The following GALNT5 variants were observed in gnomAD, a reference collection of about 807,000 sequenced individuals.
GALNT5 encodes the protein polypeptide N-acetylgalactosaminyltransferase 5, also known as UDP-GalNAc:polypeptide N-acetylgalactosaminyltransferase 5.
A neutral mutation model predicts 85.4 loss-of-function variants in GALNT5; 72 were observed. That is an observed-to-expected ratio of 0.84 (90% CI 0.70 to 1.03). The LOEUF (loss-of-function observed/expected upper bound fraction) is 1.03, where lower values mean the gene tolerates loss of function less well. Among genes scored for constraint, GALNT5 ranks in the 50% least tolerant of loss-of-function variants. The probability of loss-of-function intolerance (pLI) is 0.00; values close to 1 mark genes in which losing one functional copy is unlikely to be tolerated. For missense variants in GALNT5, 1,137 were observed against 1,135.5 expected (o/e 1.00, Z -0.02); for synonymous variants, 404 against 397.0 (o/e 1.02, Z -0.21).
intron 3 of GALNT5, among the ~76,000 whole-genome samples, chr2:157,290,655 A>C (rs886666351): frequency 1.1e-4 from 17 of 152,204 alleles, no homozygotes; most frequent in African/African-American, 3.9e-4. Flanking sequence ...ATCTGAGTCC[A>C]GAATCTGACA....
At position 157,306,910 on chromosome 2, in the gene GALNT5, A is replaced by T. The variant is rs1035853321; in HGVS notation, c.2520+1081A>T. 4.6e-5 allele frequency among the ~76,000 whole-genome samples: 7 copies of T among 152,262 alleles called. No individual in the cohort carries two copies. In the East Asian group the frequency reaches 1.3e-3, roughly 29 times the overall value. ...GAAGTGTTAAAACTCATTAAAAGAA[A>T]TAAATTTCACTTACTAACAAAGAGG... is the stretch of plus-strand genomic sequence containing the variant. On this transcript the variant is annotated intron_variant, in intron 8 of 9. Transcript: ENST00000259056.
intron 3 of GALNT5, among the ~76,000 whole-genome samples, chr2:157,294,048 T>C (rs897356484): frequency 2.0e-5 from 3 of 152,186 alleles, no homozygotes; most frequent in African/African-American, 7.2e-5. Flanking sequence ...AAAACATGCA[T>C]GAAGAATGTT....
At chr2:157,266,941 C>A (rs748076915) in intron 1 of GALNT5, among the ~76,000 whole-genome samples, 18 of 152,222 alleles carry the variant, frequency 1.2e-4, no homozygotes, top group East Asian at 5.8e-4. Context: ...TCCTATATAG[C>A]ACTAAGCAAA....
chr2:157,269,914 A>T (rs1339395780), intron 1 of GALNT5, among the ~76,000 whole-genome samples: 21 of 152,128 alleles, frequency 1.4e-4, no homozygotes, highest in Admixed American at 1.3e-3. Context: ...TTGTTGGTTT[A>T]TGCCGAATTT....
At position 157,259,184 on chromosome 2, in the gene GALNT5, T is replaced by C. The variant is rs1462362720; in HGVS notation, c.1102T>C (p.Ser368Pro). The change falls in exon 1 of 10, where the codon TCC becomes CCC. Residue 368 changes from serine to proline, a missense_variant. By Grantham distance (74) the Ser-to-Pro change is moderately conservative (BLOSUM62 -1). Transcript: ENST00000259056. ...TTCCAGGAATAGAAGTGAGATGTCTTCCTCTTCACTTGCTCCACATAGAGT... is the reference window on the plus strand; with the variant it reads ...TTCCAGGAATAGAAGTGAGATGTCTCCCTCTTCACTTGCTCCACATAGAGT... ...HISRNRSEMSSSSLAPHRVPL... is the reference protein window; with the variant it reads ...HISRNRSEMSPSSLAPHRVPL... 16 of 1,542,968 alleles carry C rather than the reference T, an allele frequency of 1.0e-5. No individual in the cohort carries two copies. Among genetic ancestry groups the C allele is most frequent in the Non-Finnish European group, 1.4e-5 (16 of 1,148,662 alleles).
intron 1 of GALNT5, among the ~76,000 whole-genome samples, chr2:157,275,108 T>A (rs1234160880): frequency 6.6e-6 from 1 of 152,236 alleles, no homozygotes; most frequent in Non-Finnish European, 1.5e-5. Flanking sequence ...TTTCTTGTTT[T>A]TGTCAGGTTT....
rs1237191886 is a variant in GALNT5, at chr2:157,314,805, C to A, written c.*3457C>A. Among the ~76,000 whole-genome samples the A allele has an allele frequency of 6.6e-6, 1 of 152,096 alleles. No individual in the cohort carries two copies. The highest frequency in any genetic ancestry group is 2.4e-5 in the African/African-American group (1 of 41,414). On this transcript the variant is annotated 3_prime_UTR_variant, in exon 10 of 10. Coordinates refer to ENST00000259056, the MANE Select transcript of GALNT5 (RefSeq NM_014568.3). ...CAAGAAAAAAAATTTACCAACCAGG[C>A]GCAGTGGCTCACACCTGTAATCCTA...
At chr2:157,285,923 A>T (rs1490617197) in intron 2 of GALNT5, 92 bp from the exon 3 acceptor site, 1 of 778,034 alleles carries the variant, frequency 1.3e-6, no homozygotes, top group East Asian at 2.7e-5. Context: ...GTAATGTCAT[A>T]GTTTTTGGCA....
intron 1 of GALNT5, among the ~76,000 whole-genome samples, chr2:157,259,794 C>T (rs1280546362): frequency 4.6e-5 from 7 of 152,162 alleles, no homozygotes; most frequent in Non-Finnish European, 1.0e-4. Flanking sequence ...TGTTGAAAAC[C>T]TATTAAAATG....
Position 157,314,936 on chromosome 2 carries a change from G to A in GALNT5, c.*3588G>A, listed in dbSNP as rs1395442598. The stretch of plus-strand genomic sequence containing the variant: ...CTACTAAAAATACAAAAATTAGCTG[G>A]GCATGGTGGTGGGCGCCTGTAATCC... On this transcript the variant is annotated 3_prime_UTR_variant, in exon 10 of 10. Coordinates refer to ENST00000259056, the MANE Select transcript of GALNT5 (RefSeq NM_014568.3). Among the ~76,000 whole-genome samples the A allele has an allele frequency of 2.0e-5, 3 of 152,072 alleles. No homozygotes were observed. The highest frequency in any genetic ancestry group is 4.4e-5 in the Non-Finnish European group (3 of 68,026).
In GALNT5 at chr2:157,300,897, G is replaced by A. The variant is rs1381512724; in HGVS notation, c.2337G>A (p.Gln779=). 3.1e-6 allele frequency: 5 copies of A among 1,613,888 alleles called. No individual in the cohort carries two copies. Among genetic ancestry groups the A allele is most frequent in the Non-Finnish European group, 4.2e-6 (5 of 1,179,936 alleles). ...GGCTAGATGTTGGCAACCTCACCCA[G>A]CAAAGGGAGCTGCGAAAGAAACTGA... The part of the protein sequence containing the change: ...DQGLDVGNLT[Q]QRELRKKLKC... Residue 779 remains glutamine (Q), a synonymous_variant, in exon 7 of 10, where the codon CAG becomes CAA. Coordinates refer to ENST00000259056, the MANE Select transcript of GALNT5 (RefSeq NM_014568.3).
At chr2:157,301,509 A>G (rs1683342239) in intron 7 of GALNT5, 1 of 168,230 alleles carries the variant, frequency 5.9e-6, no homozygotes, top group African/African-American at 2.4e-5. Context: ...GGCAGAGGGT[A>G]AAGGTCACGT....
chr2:157,277,393 T>C (rs1316372383), intron 1 of GALNT5, among the ~76,000 whole-genome samples: 3 of 152,210 alleles, frequency 2.0e-5, no homozygotes, highest in African/African-American at 4.8e-5. Flanking sequence ...TTCTGTCTCA[T>C]TGATCTGTCT....
rs1682217377 is a variant in GALNT5, at chr2:157,257,709, T to C, written c.-374T>C. ...GAGGAGAGAAACGGCAGTCTCAATC[T>C]GGCCCCCACCTTTTCTTGGGCTTGT... On this transcript the variant is annotated 5_prime_UTR_variant, in exon 1 of 10. Coordinates refer to ENST00000259056, the MANE Select transcript of GALNT5 (RefSeq NM_014568.3). 4.6e-6 allele frequency: 1 copy of C among 219,228 alleles called. No individual in the cohort carries two copies. The allele number at this position is 219,228 out of a possible 1,614,324, so 13.6% of individuals were successfully genotyped here. A position where few individuals can be genotyped will look rare whatever the true frequency, so the allele number is the denominator to read the frequency against.
chr2:157,263,468 T>C (rs1360647722), intron 1 of GALNT5, among the ~76,000 whole-genome samples: 1 of 152,158 alleles, frequency 6.6e-6, no homozygotes, highest in Non-Finnish European at 1.5e-5. Flanking sequence ...ACCTCTAAAT[T>C]GCAATTACTC....
At chr2:157,270,554 T>C (rs187966810) in intron 1 of GALNT5, among the ~76,000 whole-genome samples, 5 of 152,358 alleles carry the variant, frequency 3.3e-5, no homozygotes, top group African/African-American at 7.2e-5. Flanking sequence ...TTACCACCTT[T>C]TTGTACTTTC....
At chr2:157,286,393 A>C (rs1033389784) in intron 3 of GALNT5, among the ~76,000 whole-genome samples, 1 of 152,252 alleles carries the variant, frequency 6.6e-6, no homozygotes, top group African/African-American at 2.4e-5. Context: ...TTCAGTGGGC[A>C]GCTCTGAAGA....
chr2:157,261,799 G>T (rs1682345779), intron 1 of GALNT5, among the ~76,000 whole-genome samples: 1 of 152,096 alleles, frequency 6.6e-6, no homozygotes. Flanking sequence ...CATCAGTTTG[G>T]CAAGATTTGG....
intron 1 of GALNT5, among the ~76,000 whole-genome samples, chr2:157,266,672 C>T (rs975471484): frequency 2.0e-5 from 3 of 152,094 alleles, no homozygotes; most frequent in African/African-American, 7.3e-5. Flanking sequence ...AAGAGTGAGA[C>T]TGTAAAAGAA....
Sources: gnomAD v4.1 joint callset for allele counts (sites outside exome capture counted in the v4.1 genomes callset) on GRCh38, gnomAD v4.1.1 for gene constraint, MANE v1.5 for transcripts, NCBI Gene and HGNC (gene_info 2026-07-23, HGNC 2026-07-21) for gene names.